Variants in IPO5 observed in about 807,000 individuals in gnomAD.
The protein encoded by IPO5 is importin 5.
Under a neutral mutation model 143.3 loss-of-function variants are expected in IPO5, and 18 were observed. The observed-to-expected ratio is 0.13, with a 90% confidence interval of 0.09 to 0.19. IPO5 has a LOEUF of 0.19. IPO5 is among the 10% of genes least tolerant of loss of function. The pLI, the probability that IPO5 is intolerant of heterozygous loss-of-function variation, is 1.00. For synonymous variants in IPO5, 477 were observed against 465.7 expected, an observed-to-expected ratio of 1.02 and a Z score of -0.31; for missense variants, 1,013 against 1,336.9, an observed-to-expected ratio of 0.76 and a Z score of 3.78.
intron 27 of IPO5, 186 bp downstream of exon 27, chr13:98,019,995 A>G (rs1276586124): frequency 2.3e-5 from 11 of 484,558 alleles, no homozygotes; most frequent in Admixed American, 3.7e-5. Flanking sequence ...CATTGCCCTT[A>G]TAATAAGGTC....
intron 24 of IPO5, among the ~76,000 whole-genome samples, chr13:98,016,511 C>A (rs1210657418): frequency 6.6e-6 from 1 of 152,180 alleles, no homozygotes; most frequent in African/African-American, 2.4e-5. Flanking sequence ...TCTTGCCACA[C>A]ACCTTTGTCT....
intron 27 of IPO5, chr13:98,020,018 ATTC>A (rs1338110993): frequency 4.8e-6 from 2 of 420,296 alleles, no homozygotes; most frequent in East Asian, 3.8e-5. Context: ...ATTTTGAGTT[ATTC>A]TTTATGAAAT....
Position 97,983,965 on chromosome 13 carries a change from CTTTTTTTTTTTTTT to C in IPO5, c.171+1400_171+1413del, listed in dbSNP as rs71117684. The stretch of plus-strand genomic sequence containing the variant: ...TGAAGAACCCTATATAGGGTAACTT[CTTTTTTTTTTTTTT>C]TTTTTTTTTTTTTTTTTGAGACGGA... On this transcript the variant is annotated intron_variant, in intron 5 of 28. Coordinates refer to ENST00000651721, the MANE Select transcript of IPO5 (RefSeq NM_002271.6). 4.3e-3 allele frequency among the ~76,000 whole-genome samples: 199 copies of C among 45,858 alleles called. 2 individuals carry two copies. Among genetic ancestry groups the C allele is most frequent in the Admixed American group, 4.9e-3 (12 of 2,472 alleles). The allele number at this position is 45,858 out of a possible 152,430, so 30.1% of individuals were successfully genotyped here.
chr13:98,007,985 TGGCAAAGC>T, intron 17 of IPO5, 66 bp from the exon 18 acceptor site: 1 of 835,066 alleles, frequency 1.2e-6, no homozygotes, highest in African/African-American at 1.7e-5. Flanking sequence ...GTCGATTTTT[TGGCAAAGC>T]TTTGCTAATT....
intron 2 of IPO5, chr13:97,960,305 T>C (rs753299051): frequency 1.3e-5 from 2 of 152,166 alleles, no homozygotes; most frequent in Non-Finnish European, 1.5e-5. Flanking sequence ...CCAAATCATA[T>C]CTGAATCTCC....
chr13:97,990,551 A>G lies in IPO5; in HGVS notation c.669+14A>G, dbSNP rs1335237760. On this transcript the variant is annotated intron_variant, in intron 9 of 28. Coordinates refer to ENST00000651721, the MANE Select transcript of IPO5 (RefSeq NM_002271.6). ...GGATTCCTACAGGTATGAAAGCAAT[A>G]TAGAATAAATCATAATTATATCTTA... 1 of 1,381,240 alleles carries G rather than the reference A, an allele frequency of 7.2e-7. No homozygotes were observed. The highest frequency in any genetic ancestry group is 2.3e-5 in the East Asian group (1 of 43,350). The allele number at this position is 1,381,240 out of a possible 1,614,324, so 85.6% of individuals were successfully genotyped here. A position where few individuals can be genotyped will look rare whatever the true frequency, so the allele number is the denominator to read the frequency against.
intron 26 of IPO5, 135 bp downstream of exon 26, chr13:98,018,839 C>T (rs1372815722): frequency 7.9e-6 from 5 of 636,884 alleles, no homozygotes; most frequent in Admixed American, 3.0e-5. Context: ...TCATCTGTAG[C>T]ATTTAGGATT....
chr13:97,954,482 A>G (rs1884329489), intron 2 of IPO5, among the ~76,000 whole-genome samples: 1 of 152,108 alleles, frequency 6.6e-6, no homozygotes, highest in African/African-American at 2.4e-5. Flanking sequence ...TAGAGTATCT[A>G]TTTTGTCTTC....
intron 12 of IPO5, among the ~76,000 whole-genome samples, chr13:98,000,212 G>C (rs1227507595): frequency 1.3e-5 from 2 of 152,146 alleles, no homozygotes; most frequent in Admixed American, 1.3e-4. Context: ...ATGAAGCTGG[G>C]AGGCGGAGCT....
chr13:97,978,788 C>G (rs7993717), intron 4 of IPO5, among the ~76,000 whole-genome samples: 1 of 151,928 alleles, frequency 6.6e-6, no homozygotes, highest in Admixed American at 6.5e-5. Context: ...GAACTAAATA[C>G]CAGTGTCTGG....
Position 98,015,593 on chromosome 13 carries a change from T to C in IPO5, c.2389T>C (p.Leu797=), listed in dbSNP as rs770965469. ...NEHFEELGGI[L]KAKLEEHFKN... ...ACACTTTGAAGAACTGGGAGGTATATTGAAAGCAAAGCTTGAAGAACATTT... is the reference window on the plus strand; with the variant it reads ...ACACTTTGAAGAACTGGGAGGTATACTGAAAGCAAAGCTTGAAGAACATTT... The change falls in exon 23 of 29, where the codon TTG becomes CTG. Residue 797 remains leucine, a synonymous_variant. Transcript: ENST00000651721. 25 of 1,612,758 alleles carry C rather than the reference T, an allele frequency of 1.6e-5. No individual in the cohort carries two copies. Among genetic ancestry groups the C allele is most frequent in the Non-Finnish European group, 1.9e-5 (22 of 1,179,154 alleles).
chr13:98,014,280 T>TAAA, intron 22 of IPO5, 66 bp downstream of exon 22: 2 of 972,268 alleles, frequency 2.1e-6, no homozygotes, highest in Non-Finnish European at 1.4e-6. Flanking sequence ...TTGCTAAAAG[T>TAAA]AAAAAAAAAA....
Position 98,021,866 on chromosome 13 carries a change from G to C in IPO5, c.*44G>C, listed in dbSNP as rs750346781. On this transcript the variant is annotated 3_prime_UTR_variant, in exon 29 of 29. Transcript: ENST00000651721. The stretch of plus-strand genomic sequence containing the variant: ...ACCAGAAAACTAACTCCAAATAAAC[G>C]CTTACCCTTTCCTTTAGGTTTCTTT... The C allele has an allele frequency of 3.8e-6, 5 of 1,324,694 alleles. No individual in the cohort carries two copies. Among genetic ancestry groups the C allele is most frequent in the Non-Finnish European group, 5.4e-6 (5 of 928,542 alleles). 82.1% of individuals were successfully genotyped at this position (1,324,694 alleles called of 1,614,324 possible). A position where few individuals can be genotyped will look rare whatever the true frequency, so the allele number is the denominator to read the frequency against.
chr13:98,018,422 A>G lies in IPO5; in HGVS notation c.2617-63A>G, dbSNP rs189836581. 17 of 1,202,976 alleles carry G rather than the reference A, an allele frequency of 1.4e-5. No individual in the cohort carries two copies. In the African/African-American group the frequency reaches 2.3e-4, roughly 16 times the overall value. 74.5% of individuals were successfully genotyped at this position (1,202,976 alleles called of 1,614,324 possible). On this transcript the variant is annotated intron_variant, in intron 25 of 28. Coordinates refer to ENST00000651721, the MANE Select transcript of IPO5 (RefSeq NM_002271.6). ...AATGTAAGCAGATAGTCTATAGTGA[A>G]TATTTCTTTACATTCTTTGTGTACA...
In IPO5 at chr13:97,993,012, A is replaced by G; in HGVS notation, c.790A>G (p.Lys264Glu). The G allele has an allele frequency of 6.2e-7, 1 of 1,613,040 alleles. No individual in the cohort carries two copies. The highest frequency in any genetic ancestry group is 8.5e-7 in the Non-Finnish European group (1 of 1,179,224). ...HLEATLQLSL[K>E]LCGDTSLNNM... ...GGAAGCAACTCTACAGCTAAGTCTA[A>G]AGGTAAATTAAGTACGTTAGTAAAC... Residue 264 changes from lysine to glutamate, a missense_variant and splice_region_variant, in exon 10 of 29, where the codon AAG becomes GAG. Physicochemically the swap from Lys to Glu is moderately conservative, Grantham distance 56 (BLOSUM62 1). This residue lies in a region of IPO5 where 328 missense variants were observed against 342.0 expected (regional missense o/e 0.96). Coordinates refer to ENST00000651721, the MANE Select transcript of IPO5 (RefSeq NM_002271.6).
chr13:97,955,272 A>G (rs962354845), intron 2 of IPO5, among the ~76,000 whole-genome samples: 8 of 151,746 alleles, frequency 5.3e-5, no homozygotes, highest in African/African-American at 1.9e-4. Context: ...AATACCTTAT[A>G]AAGTTCATGC....
intron 20 of IPO5, among the ~76,000 whole-genome samples, chr13:98,011,053 A>C (rs1302767506): frequency 1.3e-5 from 2 of 151,876 alleles, no homozygotes; most frequent in African/African-American, 4.8e-5. Context: ...TACAGGCATG[A>C]GCCACTGCAC....
Position 97,985,598 on chromosome 13 carries a change from G to A in IPO5, c.349G>A (p.Ala117Thr). The A allele has an allele frequency of 6.2e-7, 1 of 1,613,040 alleles. No individual in the cohort carries two copies. Among genetic ancestry groups the A allele is most frequent in the Non-Finnish European group, 8.5e-7 (1 of 1,179,662 alleles). ...KKVCDIAAEL[A>T]RNLIDEDGNN... ...AGTTTGTGATATTGCGGCAGAACTG[G>A]CCAGGAATTTAATAGGTGTGTATGC... is the stretch of plus-strand genomic sequence containing the variant. Residue 117 changes from alanine (A) to threonine (T), a missense_variant, in exon 6 of 29, where the codon GCC (alanine) becomes ACC (threonine). Coordinates refer to ENST00000651721, the MANE Select transcript of IPO5 (RefSeq NM_002271.6).
Position 97,969,813 on chromosome 13 carries a change from A to G in IPO5, c.-22A>G. On this transcript the variant is annotated 5_prime_UTR_variant, in exon 3 of 29. Transcript: ENST00000651721. Reference sequence around the variant, plus strand: ...AGGATCAAGTTGGAAAACTAGAAGCAACAGAAAACACAATAAGGTAACTGA... The same window carrying G: ...AGGATCAAGTTGGAAAACTAGAAGCGACAGAAAACACAATAAGGTAACTGA... The G allele has an allele frequency of 6.2e-7, 1 of 1,612,452 alleles. No individual in the cohort carries two copies. Among genetic ancestry groups the G allele is most frequent in the Non-Finnish European group, 8.5e-7 (1 of 1,178,788 alleles).
Sources: allele counts gnomAD v4.1 joint callset (sites outside exome capture counted in the v4.1 genomes callset), GRCh38; gene constraint gnomAD v4.1.1; regional missense constraint gnomAD v4.1.1; transcripts MANE v1.5; gene names NCBI Gene and HGNC (gene_info 2026-07-23, HGNC 2026-07-21).